Variants in LARGE1 observed in about 807,000 individuals in gnomAD.
LARGE1 encodes the protein xylosyl- and glucuronyltransferase LARGE1.
A neutral mutation model predicts 87.6 loss-of-function variants in LARGE1; 43 were observed. The observed-to-expected ratio is 0.49, with a 90% CI of 0.38 to 0.63. The LOEUF is 0.63. Among genes scored for constraint, LARGE1 ranks in the 30% least tolerant of loss-of-function variants. The pLI is 0.00. For missense variants in LARGE1, 802 were observed against 1,000.2 expected, an observed-to-expected ratio of 0.80 and a Z score of 2.67; for synonymous variants, 434 against 394.6, an observed-to-expected ratio of 1.10 and a Z score of -1.18.
At chr22:33,882,045 GTT>G (rs3216428) in intron 1 of LARGE1, among the ~76,000 whole-genome samples, 1 of 130,856 alleles carries the variant, frequency 7.6e-6, no homozygotes, top group Non-Finnish European at 1.6e-5. Context: ...GTTTTTTTTT[GTT>G]TTTTTTTTTT....
At chr22:33,920,921 A>AGGGGCGGGCGCTGGGGTCCGGGCTC (rs2065929779), upstream of LARGE1, among the ~76,000 whole-genome samples, 3 of 147,508 alleles carry the variant, frequency 2.0e-5, no homozygotes, top group South Asian at 4.2e-4. Flanking sequence ...GGGAACCGGC[A>AGGGGCGGGCGCTGGGGTCCGGGCTC]GGGGCGGGCG....
chr22:33,225,217 G>A (rs1568980301), intron 11 of LARGE1, among the ~76,000 whole-genome samples: 3 of 152,192 alleles, frequency 2.0e-5, no homozygotes, highest in East Asian at 3.9e-4. Flanking sequence ...GGCAAGGTAG[G>A]ACGGTCTGCT....
intron 6 of LARGE1, among the ~76,000 whole-genome samples, chr22:33,523,461 T>G (rs1192444766): frequency 6.6e-6 from 1 of 152,212 alleles, no homozygotes; most frequent in Non-Finnish European, 1.5e-5. Context: ...TCTTTTAAAA[T>G]ACTAATTTCT....
At chr22:33,877,665 G>C (rs535151332) in intron 1 of LARGE1, among the ~76,000 whole-genome samples, 2 of 152,260 alleles carry the variant, frequency 1.3e-5, no homozygotes, top group African/African-American at 2.4e-5. Context: ...GCTCACACCT[G>C]TAATCCCAGC....
chr22:33,305,490 G>T, intron 11 of LARGE1: 1 of 647,904 alleles, frequency 1.5e-6, no homozygotes, highest in Non-Finnish European at 1.9e-6. Context: ...AAAATCTATG[G>T]CTAAGAAACA....
At chr22:33,430,863 C>T in intron 7 of LARGE1, among the ~76,000 whole-genome samples, 1 of 152,164 alleles carries the variant, frequency 6.6e-6, no homozygotes, top group African/African-American at 2.4e-5. Flanking sequence ...GGAGTCTGAC[C>T]ATCAGCTCTC....
intron 10 of LARGE1, among the ~76,000 whole-genome samples, chr22:33,317,177 G>C (rs1936255725): frequency 1.3e-5 from 2 of 152,262 alleles, no homozygotes; most frequent in Admixed American, 6.5e-5. Flanking sequence ...TCGCACCACT[G>C]CCTTCCAGCC....
chr22:33,728,005 A>AT (rs2083322881), intron 2 of LARGE1, among the ~76,000 whole-genome samples: 2 of 152,144 alleles, frequency 1.3e-5, no homozygotes, highest in African/African-American at 4.8e-5. Context: ...ACAAGCCCTG[A>AT]TATCAAAGGC....
At chr22:33,143,554 C>T in the LARGE1 span, among the ~76,000 whole-genome samples, 2 of 151,978 alleles carry the variant, frequency 1.3e-5, no homozygotes, top group Non-Finnish European at 2.9e-5. Context: ...TAAAATTAAC[C>T]CATTGCATGA....
intron 1 of LARGE1, among the ~76,000 whole-genome samples, chr22:33,876,480 T>C (rs747088234): frequency 5.9e-5 from 9 of 151,846 alleles, no homozygotes; most frequent in Non-Finnish European, 1.3e-4. Context: ...TGCACACTTA[T>C]GCTTTCTGTG....
chr22:33,336,648 A>T (rs1174432164), intron 10 of LARGE1, among the ~76,000 whole-genome samples: 1 of 152,178 alleles, frequency 6.6e-6, no homozygotes. Flanking sequence ...TTTTTCTGTT[A>T]AAGTGCCTCT....
intron 12 of LARGE1, among the ~76,000 whole-genome samples, chr22:33,297,851 G>T (rs1440094963): frequency 6.6e-6 from 1 of 151,500 alleles, no homozygotes; most frequent in South Asian, 2.1e-4. Flanking sequence ...GTGGTGGCAG[G>T]CGCCTGTAAT....
Position 33,240,828 on chromosome 22 carries a change from C to T in LARGE1, c.1730+63401G>A, listed in dbSNP as rs553031484. Among the ~76,000 whole-genome samples, 9 of 152,274 alleles carry T rather than the reference C, an allele frequency of 5.9e-5. No homozygotes were observed. The East Asian group carries it at 1.4e-3, about 23-fold the overall frequency. ...ACTCAATCTAGGTTCAGATGCTACTCGTTTTCTGCTCAGTCTGTGTCTGAG... is the reference window on the plus strand; with the variant it reads ...ACTCAATCTAGGTTCAGATGCTACTTGTTTTCTGCTCAGTCTGTGTCTGAG... On this transcript the variant is annotated intron_variant, in intron 11 of 11. Transcript: ENST00000608642.
chr22:33,076,113 A>G, the LARGE1 span, among the ~76,000 whole-genome samples: 1 of 152,222 alleles, frequency 6.6e-6, no homozygotes, highest in African/African-American at 2.4e-5. Context: ...TGACCTTGAA[A>G]CTCATTTTCA....
intron 11 of LARGE1, among the ~76,000 whole-genome samples, chr22:33,229,011 A>G (rs1925871800): frequency 6.6e-6 from 1 of 152,240 alleles, no homozygotes; most frequent in Non-Finnish European, 1.5e-5. Flanking sequence ...TTTGTATCTA[A>G]CTGTAAGTGA....
chr22:33,335,873 T>G (rs1938379523), intron 10 of LARGE1, among the ~76,000 whole-genome samples: 1 of 152,238 alleles, frequency 6.6e-6, no homozygotes, highest in African/African-American at 2.4e-5. Flanking sequence ...ACTAATATAT[T>G]GCTATGTAGC....
At chr22:33,541,052 TGCGGGGGGGGGGGG>T (rs1288824339) in intron 6 of LARGE1, among the ~76,000 whole-genome samples, 1 of 25,324 alleles carries the variant, frequency 3.9e-5, no homozygotes, top group Non-Finnish European at 8.1e-5. Context: ...GGTGGTGGGT[TGCGGGGGGGGGGGG>T]GCGGGGGGCG....
intron 14 of LARGE1, among the ~76,000 whole-genome samples, chr22:33,276,755 G>C (rs1929379490): frequency 6.6e-6 from 1 of 152,218 alleles, no homozygotes; most frequent in African/African-American, 2.4e-5. Context: ...CAAAGACCAA[G>C]TGATGAATGG....
intron 2 of LARGE1, among the ~76,000 whole-genome samples, chr22:33,678,622 C>T (rs968362989): frequency 1.3e-5 from 2 of 152,204 alleles, no homozygotes; most frequent in Non-Finnish European, 2.9e-5. Context: ...AGCACTGGCA[C>T]TAGCAGCTAA....
Sources: gnomAD v4.1 joint callset for allele counts (sites outside exome capture counted in the v4.1 genomes callset) on GRCh38, gnomAD v4.1.1 for gene constraint, MANE v1.5 for transcripts, NCBI Gene and HGNC (gene_info 2026-07-23, HGNC 2026-07-21) for gene names.